The following KCNJ3 variants were observed in gnomAD, a reference collection of about 807,000 sequenced individuals.
The protein encoded by KCNJ3 is G protein-activated inward rectifier potassium channel 1.
A neutral mutation model predicts 39.2 loss-of-function variants in KCNJ3; 4 were observed. The observed-to-expected ratio is 0.10, with a 90% CI of 0.05 to 0.23. The LOEUF (loss-of-function observed/expected upper bound fraction) is 0.23, where lower values mean the gene tolerates loss of function less well. Among genes scored for constraint, KCNJ3 ranks in the 10% least tolerant of loss-of-function variants. The probability of loss-of-function intolerance (pLI) is 1.00; values close to 1 mark genes in which losing one functional copy is unlikely to be tolerated. For synonymous variants in KCNJ3, 230 were observed against 237.4 expected, an observed-to-expected ratio of 0.97 and a Z score of 0.29; for missense variants, 276 against 634.9, an observed-to-expected ratio of 0.43 and a Z score of 6.08.
At chr2:154,786,139 C>G (rs1686525107) in intron 2 of KCNJ3, among the ~76,000 whole-genome samples, 1 of 152,178 alleles carries the variant, frequency 6.6e-6, no homozygotes, top group South Asian at 2.1e-4. Flanking sequence ...CTCACTCAGA[C>G]TGAGGCCTTT....
intron 2 of KCNJ3, among the ~76,000 whole-genome samples, chr2:154,825,536 A>G (rs1318675584): frequency 1.4e-5 from 2 of 142,066 alleles, no homozygotes; most frequent in Admixed American, 7.7e-5. Context: ...CCAAGAACTC[A>G]TGAAATTATT....
intron 2 of KCNJ3, among the ~76,000 whole-genome samples, chr2:154,837,022 AC>A (rs1305450603): frequency 4.6e-5 from 7 of 152,202 alleles, no homozygotes; most frequent in African/African-American, 1.7e-4. Context: ...AATCATAGTT[AC>A]ACGAGGGATA....
At chr2:154,766,953 T>TA (rs1424488699) in intron 2 of KCNJ3, among the ~76,000 whole-genome samples, 1 of 152,140 alleles carries the variant, frequency 6.6e-6, no homozygotes, top group Non-Finnish European at 1.5e-5. Context: ...GCCAGAGGGT[T>TA]ACTAAGCTAC....
At chr2:154,743,846 A>C (rs1230670402) in intron 2 of KCNJ3, among the ~76,000 whole-genome samples, 1 of 151,406 alleles carries the variant, frequency 6.6e-6, no homozygotes, top group Non-Finnish European at 1.5e-5. Context: ...TCTTCCCATA[A>C]TGTGGAGTCT....
At chr2:154,784,096 A>G (rs552158232) in intron 2 of KCNJ3, among the ~76,000 whole-genome samples, 2 of 152,348 alleles carry the variant, frequency 1.3e-5, no homozygotes, top group African/African-American at 4.8e-5. Context: ...TGCTTTAATG[A>G]TACGTCAACA....
chr2:154,772,498 A>C (rs945288905), intron 2 of KCNJ3, among the ~76,000 whole-genome samples: 2 of 152,160 alleles, frequency 1.3e-5, no homozygotes, highest in African/African-American at 4.8e-5. Context: ...ATTTGTAATG[A>C]TTGAAACACA....
intron 2 of KCNJ3, among the ~76,000 whole-genome samples, chr2:154,726,763 TACAC>T (rs71837806): frequency 5.5e-5 from 8 of 145,852 alleles, no homozygotes; most frequent in African/African-American, 7.7e-5. Flanking sequence ...TATATATATA[TACAC>T]ACACACACAC....
chr2:154,846,431 T>C (rs973678843), intron 2 of KCNJ3, among the ~76,000 whole-genome samples: 3 of 152,176 alleles, frequency 2.0e-5, no homozygotes, highest in African/African-American at 7.2e-5. Context: ...CCAGCTAATA[T>C]AGTAGGCCCA....
Position 154,855,426 on chromosome 2 carries a change from A to G in KCNJ3, c.*113A>G. The stretch of plus-strand genomic sequence containing the variant: ...AAGTATATTTTCCTCCCAGTTCTAC[A>G]AGCATATTTGAGAACCCTTCCTTTC... On this transcript the variant is annotated 3_prime_UTR_variant, in exon 3 of 3. Coordinates refer to ENST00000295101, the MANE Select transcript of KCNJ3 (RefSeq NM_002239.4). The G allele has an allele frequency of 1.3e-6, 1 of 761,960 alleles. No homozygotes were observed. Among genetic ancestry groups the G allele is most frequent in the Non-Finnish European group, 2.1e-6 (1 of 478,070 alleles). 47.2% of individuals were successfully genotyped at this position (761,960 alleles called of 1,614,324 possible). A position where few individuals can be genotyped will look rare whatever the true frequency, so the allele number is the denominator to read the frequency against.
At chr2:154,709,131 T>C (rs1209188193) in intron 1 of KCNJ3, among the ~76,000 whole-genome samples, 1 of 152,228 alleles carries the variant, frequency 6.6e-6, no homozygotes, top group Non-Finnish European at 1.5e-5. Flanking sequence ...AATTGTTGTG[T>C]TTTGCTTTTT....
At chr2:154,827,249 G>A (rs980153217) in intron 2 of KCNJ3, among the ~76,000 whole-genome samples, 3 of 151,990 alleles carry the variant, frequency 2.0e-5, no homozygotes, top group African/African-American at 4.8e-5. Flanking sequence ...AAGGCAAAGC[G>A]CTCTAGGCAT....
intron 2 of KCNJ3, among the ~76,000 whole-genome samples, chr2:154,730,733 A>G (rs1053998409): frequency 6.6e-6 from 1 of 152,086 alleles, no homozygotes; most frequent in Non-Finnish European, 1.5e-5. Flanking sequence ...AACCTTAATC[A>G]TGCTCACATG....
At chr2:154,821,635 A>AGTGTTTTTT (rs1687181722) in intron 2 of KCNJ3, among the ~76,000 whole-genome samples, 1 of 88,072 alleles carries the variant, frequency 1.1e-5, no homozygotes, top group East Asian at 4.1e-4. Context: ...AGAATATGTG[A>AGTGTTTTTT]TTTTTTTTTT....
intron 2 of KCNJ3, among the ~76,000 whole-genome samples, chr2:154,801,849 A>G (rs925634087): frequency 6.6e-6 from 1 of 152,064 alleles, no homozygotes; most frequent in African/African-American, 2.4e-5. Context: ...CTGGTCTCGA[A>G]CTACTGGGCT....
intron 2 of KCNJ3, among the ~76,000 whole-genome samples, chr2:154,834,361 C>A (rs1363965647): frequency 2.0e-5 from 3 of 152,070 alleles, no homozygotes; most frequent in African/African-American, 7.2e-5. Context: ...CTGTTAAGGT[C>A]TTTTGCCCAT....
intron 2 of KCNJ3, among the ~76,000 whole-genome samples, chr2:154,767,284 C>A (rs1686151126): frequency 6.6e-6 from 1 of 151,996 alleles, no homozygotes; most frequent in Non-Finnish European, 1.5e-5. Context: ...GTGCTGCACC[C>A]ATTAACTTGT....
chr2:154,764,732 A>G (rs746701174), intron 2 of KCNJ3, among the ~76,000 whole-genome samples: 9 of 152,260 alleles, frequency 5.9e-5, no homozygotes, highest in Non-Finnish European at 1.2e-4. Context: ...CATAAATCTC[A>G]TAATGTTTTA....
intron 2 of KCNJ3, among the ~76,000 whole-genome samples, chr2:154,799,584 T>C (rs532491381): frequency 6.6e-6 from 1 of 152,278 alleles, no homozygotes; most frequent in South Asian, 2.1e-4. Context: ...TTCTTTTACC[T>C]TGGACAGCCC....
intron 2 of KCNJ3, among the ~76,000 whole-genome samples, chr2:154,828,652 T>C (rs1687310602): frequency 6.6e-6 from 1 of 152,164 alleles, no homozygotes; most frequent in Non-Finnish European, 1.5e-5. Flanking sequence ...AAGCACAAGT[T>C]TGGGCATCTC....
Sources: allele counts gnomAD v4.1 joint callset (sites outside exome capture counted in the v4.1 genomes callset), GRCh38; gene constraint gnomAD v4.1.1; transcripts MANE v1.5; gene names NCBI Gene and HGNC (gene_info 2026-07-23, HGNC 2026-07-21).